AGBL4: variants seen among roughly 807,000 people sequenced by gnomAD.
The protein encoded by AGBL4 is cytosolic carboxypeptidase 6.
A neutral mutation model predicts 66.4 loss-of-function variants in AGBL4; 58 were observed. That is an observed-to-expected ratio of 0.87 (90% CI 0.71 to 1.09). The LOEUF is 1.09. Among genes scored for constraint, AGBL4 ranks in the 50% least tolerant of loss-of-function variants. The pLI is 0.00. For synonymous variants in AGBL4, 234 were observed against 222.9 expected (o/e 1.05, Z -0.44); for missense variants, 579 against 631.0 (o/e 0.92, Z 0.88).
chr1:50,013,520 T>C (rs556879274), intron 1 of AGBL4, among the ~76,000 whole-genome samples: 9 of 152,324 alleles, frequency 5.9e-5, no homozygotes, highest in Admixed American at 2.0e-4. Context: ...TAGTCTTTTA[T>C]AGGAAAGTTT....
chr1:49,552,338 A>G (rs1653030124), intron 3 of AGBL4, among the ~76,000 whole-genome samples: 1 of 152,086 alleles, frequency 6.6e-6, no homozygotes, highest in South Asian at 2.1e-4. Flanking sequence ...CCTCATTCAA[A>G]TTGTTACAAA....
intron 9 of AGBL4, among the ~76,000 whole-genome samples, chr1:48,627,236 T>C (rs913342679): frequency 6.6e-6 from 1 of 152,210 alleles, no homozygotes; most frequent in Non-Finnish European, 1.5e-5. Flanking sequence ...TTTAATTGAA[T>C]GGTGAAACTG....
intron 3 of AGBL4, among the ~76,000 whole-genome samples, chr1:49,296,309 G>A (rs941237335): frequency 1.4e-4 from 21 of 152,246 alleles, no homozygotes; most frequent in African/African-American, 4.8e-4. Flanking sequence ...GTGGAACTAG[G>A]ATTCAACCTT....
chr1:49,327,642 C>T (rs1032512983), intron 3 of AGBL4, among the ~76,000 whole-genome samples: 7 of 152,326 alleles, frequency 4.6e-5, no homozygotes, highest in African/African-American at 1.4e-4. Flanking sequence ...CAAGGTAGTG[C>T]TCCCTTCAAC....
intron 2 of AGBL4, among the ~76,000 whole-genome samples, chr1:49,830,865 A>C (rs1411228392): frequency 6.6e-6 from 1 of 152,170 alleles, no homozygotes; most frequent in African/African-American, 2.4e-5. Flanking sequence ...TAAATAGGGA[A>C]TCCTTTCCCC....
intron 6 of AGBL4, among the ~76,000 whole-genome samples, chr1:48,821,192 T>C (rs1030928339): frequency 3.3e-5 from 5 of 152,168 alleles, no homozygotes; most frequent in Admixed American, 3.3e-4. Context: ...TGGGGATTTC[T>C]CAAAGAACTA....
chr1:49,867,340 T>C (rs1646727477), intron 1 of AGBL4, among the ~76,000 whole-genome samples: 1 of 149,252 alleles, frequency 6.7e-6, no homozygotes, highest in African/African-American at 2.4e-5. Flanking sequence ...TTTATATATA[T>C]ATATATTTGT....
At chr1:48,855,255 A>G (rs1208593824) in intron 6 of AGBL4, among the ~76,000 whole-genome samples, 3 of 152,158 alleles carry the variant, frequency 2.0e-5, no homozygotes, top group Non-Finnish European at 2.9e-5. Context: ...GGATGTTCCA[A>G]AATGGGACAC....
At chr1:49,104,302 T>C (rs992927607) in intron 4 of AGBL4, among the ~76,000 whole-genome samples, 2 of 152,220 alleles carry the variant, frequency 1.3e-5, no homozygotes, top group African/African-American at 4.8e-5. Context: ...TATAGTAATG[T>C]ATGTGAATCC....
chr1:49,298,582 T>C (rs1352026367), intron 3 of AGBL4, among the ~76,000 whole-genome samples: 1 of 152,194 alleles, frequency 6.6e-6, no homozygotes. Flanking sequence ...GTGCTGGCAC[T>C]GCCTCCCAGT....
At chr1:48,725,832 T>A (rs1390026073) in intron 6 of AGBL4, among the ~76,000 whole-genome samples, 1 of 152,248 alleles carries the variant, frequency 6.6e-6, no homozygotes, top group African/African-American at 2.4e-5. Context: ...GCCTAATTAG[T>A]GTGTGAAGCC....
intron 1 of AGBL4, among the ~76,000 whole-genome samples, chr1:49,921,439 C>T (rs1652237058): frequency 6.6e-6 from 1 of 151,880 alleles, no homozygotes; most frequent in Non-Finnish European, 1.5e-5. Flanking sequence ...TAGGGTTCTC[C>T]AGAAGGACAC....
At chr1:49,396,063 C>A (rs1255468022) in intron 3 of AGBL4, among the ~76,000 whole-genome samples, 1 of 151,474 alleles carries the variant, frequency 6.6e-6, no homozygotes, top group East Asian at 1.9e-4. Flanking sequence ...ATATAGCTGT[C>A]CTTGTGCTGC....
chr1:49,567,905 G>A, intron 3 of AGBL4, among the ~76,000 whole-genome samples: 1 of 152,162 alleles, frequency 6.6e-6, no homozygotes, highest in Non-Finnish European at 1.5e-5. Flanking sequence ...GGCTTTTGAT[G>A]AAATTCAACA....
chr1:48,685,438 G>T (rs1646516493), intron 6 of AGBL4, among the ~76,000 whole-genome samples: 1 of 152,126 alleles, frequency 6.6e-6, no homozygotes, highest in Admixed American at 6.5e-5. Flanking sequence ...TGCCATTCCA[G>T]GAGTCATGAC....
chr1:48,656,674 C>A (rs1315936560), intron 7 of AGBL4, among the ~76,000 whole-genome samples: 1 of 152,144 alleles, frequency 6.6e-6, no homozygotes, highest in African/African-American at 2.4e-5. Context: ...TCCTTTTCAG[C>A]AACATGGATG....
chr1:49,847,351 C>T (rs1364543901), intron 2 of AGBL4, among the ~76,000 whole-genome samples: 1 of 152,008 alleles, frequency 6.6e-6, no homozygotes, highest in African/African-American at 2.4e-5. Context: ...TTGGTCTAGG[C>T]AAATAATTCA....
At chr1:49,362,558 G>T (rs1390832600) in intron 3 of AGBL4, among the ~76,000 whole-genome samples, 1 of 151,516 alleles carries the variant, frequency 6.6e-6, no homozygotes, top group East Asian at 1.9e-4. Flanking sequence ...AGCCGAGGGA[G>T]TAAGAAACCA....
chr1:48,704,537 C>T (rs1163696504), intron 6 of AGBL4, among the ~76,000 whole-genome samples: 1 of 152,102 alleles, frequency 6.6e-6, no homozygotes, highest in Non-Finnish European at 1.5e-5. Flanking sequence ...ATTCTATAAG[C>T]TTTTTTCCAT....
Sources: gnomAD v4.1 joint callset for allele counts (sites outside exome capture counted in the v4.1 genomes callset) on GRCh38, gnomAD v4.1.1 for gene constraint, MANE v1.5 for transcripts, NCBI Gene and HGNC (gene_info 2026-07-23, HGNC 2026-07-21) for gene names.